PPHLN1: variants seen among roughly 807,000 people sequenced by gnomAD.
PPHLN1 encodes periphilin-1.
In PPHLN1, 29 loss-of-function variants were observed where a neutral mutation model predicts 51.3. That is an observed-to-expected ratio of 0.57 (90% confidence interval 0.42 to 0.77). The LOEUF (loss-of-function observed/expected upper bound fraction) is 0.77, where lower values mean the gene tolerates loss of function less well. Ranked by LOEUF, PPHLN1 falls within the 30% of genes least tolerant of loss-of-function variation. The pLI is 0.00. For missense variants in PPHLN1, 436 were observed against 438.4 expected (o/e 0.99, Z 0.05); for synonymous variants, 147 against 147.8 (o/e 0.99, Z 0.04).
chr12:42,353,427 T>C (rs4768400), intron 3 of PPHLN1, among the ~76,000 whole-genome samples: 146,833 of 152,278 alleles, frequency 0.96, 71,040 homozygotes, highest in Middle Eastern at 1. Context: ...GTGATTTACT[T>C]AGGATCGGTA....
intron 7 of PPHLN1, among the ~76,000 whole-genome samples, chr12:42,390,607 G>A (rs1376366924): frequency 6.6e-6 from 1 of 151,580 alleles, no homozygotes; most frequent in African/African-American, 2.4e-5. Context: ...TGTGGCCCAG[G>A]ATGGCTTTGA....
At position 42,345,048 on chromosome 12, in the gene PPHLN1, A is replaced by C. The variant is rs116857359; in HGVS notation, c.73-6837A>C. ...TTGATACAGATTTTTATATTGAATC[A>C]AATAACCATCAACTTGGTGCTTTTA... On this transcript the variant is annotated intron_variant, in intron 2 of 9. Coordinates refer to ENST00000358314, the MANE Select transcript of PPHLN1 (RefSeq NM_201439.2). Among the ~76,000 whole-genome samples, 1,095 of 152,244 alleles carry C rather than the reference A, an allele frequency of 7.2e-3. 43 individuals carry two copies. In the East Asian group the frequency reaches 0.091, roughly 13 times the overall value.
At chr12:42,418,747 T>C (rs1217505584) in intron 9 of PPHLN1, among the ~76,000 whole-genome samples, 1 of 152,230 alleles carries the variant, frequency 6.6e-6, no homozygotes, top group Non-Finnish European at 1.5e-5. Context: ...TTATTTCCTT[T>C]ATAATAACTT....
intron 7 of PPHLN1, among the ~76,000 whole-genome samples, chr12:42,388,356 T>G (rs750081193): frequency 2.0e-5 from 3 of 152,208 alleles, no homozygotes; most frequent in Non-Finnish European, 2.9e-5. Flanking sequence ...TCCACTGAGA[T>G]GTTTGGGCGG....
At chr12:42,328,530 T>C (rs903008337) in intron 1 of PPHLN1, among the ~76,000 whole-genome samples, 2 of 152,234 alleles carry the variant, frequency 1.3e-5, no homozygotes, top group Non-Finnish European at 1.5e-5. Flanking sequence ...AAATATTATA[T>C]GTAGGCAGAC....
At chr12:42,358,308 C>T (rs2074266748) in intron 4 of PPHLN1, among the ~76,000 whole-genome samples, 1 of 152,134 alleles carries the variant, frequency 6.6e-6, no homozygotes, top group African/African-American at 2.4e-5. Flanking sequence ...CTAATCCCCA[C>T]AGCCATGATA....
chr12:42,441,529 A>G lies in PPHLN1; in HGVS notation c.*20A>G, dbSNP rs1289595451. 7.4e-7 allele frequency: 1 copy of G among 1,351,726 alleles called. No homozygotes were observed. The highest frequency in any genetic ancestry group is 1.5e-5 in the African/African-American group (1 of 67,688). The allele number at this position is 1,351,726 out of a possible 1,614,324, so 83.7% of individuals were successfully genotyped here. On this transcript the variant is annotated 3_prime_UTR_variant, in exon 10 of 10. Transcript: ENST00000358314. The stretch of plus-strand genomic sequence containing the variant: ...TTTTAGATTTTTCTGCTCAGGCTAA[A>G]AAAAAAAAAAAACAGTTTCTAAAAA...
At chr12:42,370,925 C>T (rs1303971352) in intron 4 of PPHLN1, among the ~76,000 whole-genome samples, 1 of 152,016 alleles carries the variant, frequency 6.6e-6, no homozygotes. Flanking sequence ...CCTGACTTAG[C>T]CTCCCGAATA....
In PPHLN1 at chr12:42,441,809, C is replaced by T. The variant is rs1026008379; in HGVS notation, c.*300C>T. ...TGTTGAGATTACAGGCGTGAGCCAC[C>T]GCTCCCTGCCCAACACATATACCAT... On this transcript the variant is annotated 3_prime_UTR_variant, in exon 10 of 10. Coordinates refer to ENST00000358314, the MANE Select transcript of PPHLN1 (RefSeq NM_201439.2). 3.8e-5 allele frequency: 42 copies of T among 1,093,226 alleles called. No homozygotes were observed. Among genetic ancestry groups the T allele is most frequent in the Admixed American group, 2.4e-4 (5 of 20,834 alleles). The allele number at this position is 1,093,226 out of a possible 1,614,324, so 67.7% of individuals were successfully genotyped here.
intron 9 of PPHLN1, among the ~76,000 whole-genome samples, chr12:42,414,545 T>TAA (rs1318765732): frequency 7.4e-6 from 1 of 135,144 alleles, no homozygotes; most frequent in East Asian, 2.1e-4. Flanking sequence ...GCAGCTATTG[T>TAA]AAAAGGATTG....
chr12:42,389,518 C>A (rs1378262350), intron 7 of PPHLN1, among the ~76,000 whole-genome samples: 2 of 152,174 alleles, frequency 1.3e-5, no homozygotes, highest in Non-Finnish European at 2.9e-5. Context: ...TGAGATCACG[C>A]CACTGCACTC....
At chr12:42,392,989 G>A (rs910122858) in intron 7 of PPHLN1, among the ~76,000 whole-genome samples, 4 of 152,158 alleles carry the variant, frequency 2.6e-5, no homozygotes, top group Non-Finnish European at 5.9e-5. Flanking sequence ...ATTAAACTGC[G>A]ATTCAAAGCC....
chr12:42,427,024 A>G (rs545810015), intron 9 of PPHLN1, among the ~76,000 whole-genome samples: 5 of 152,254 alleles, frequency 3.3e-5, no homozygotes, highest in Admixed American at 3.3e-4. Context: ...CAGGTTTCTC[A>G]AACCAATGTA....
chr12:42,357,343 A>G (rs1365139574), intron 4 of PPHLN1, among the ~76,000 whole-genome samples: 1 of 152,230 alleles, frequency 6.6e-6, no homozygotes, highest in Non-Finnish European at 1.5e-5. Context: ...CTTGAAAAAG[A>G]TGTGAAGACT....
chr12:42,406,900 G>T (rs901223028), intron 9 of PPHLN1, among the ~76,000 whole-genome samples: 7 of 151,862 alleles, frequency 4.6e-5, no homozygotes, highest in African/African-American at 1.5e-4. Flanking sequence ...AATATAGCAG[G>T]GATCAAAATT....
chr12:42,412,930 T>C (rs185042995), intron 9 of PPHLN1, among the ~76,000 whole-genome samples: 3 of 152,314 alleles, frequency 2.0e-5, no homozygotes, highest in Admixed American at 6.5e-5. Flanking sequence ...CTTTTGAGAA[T>C]TGTCTATTCA....
At position 42,326,228 on chromosome 12, in the gene PPHLN1, C is replaced by T. The variant is rs73285641; in HGVS notation, c.-22C>T. 3,069 of 151,736 alleles carry T rather than the reference C, an allele frequency of 0.02. 97 individuals are homozygous for T. The highest frequency in any genetic ancestry group is 0.07 in the African/African-American group (2,916 of 41,434). 9.4% of individuals were successfully genotyped at this position (151,736 alleles called of 1,614,324 possible). A position where few individuals can be genotyped will look rare whatever the true frequency, so the allele number is the denominator to read the frequency against. On this transcript the variant is annotated splice_region_variant and 5_prime_UTR_variant, in exon 1 of 10. Transcript: ENST00000358314. ...ACGGGGTCTCCCGGAGGGCCAGAGT[C>T]GGTGAGCGCTTTTTACCTTTCCCAG...
At chr12:42,446,895 C>A, downstream of PPHLN1, 1 of 391,110 alleles carries the variant, frequency 2.6e-6, no homozygotes, top group Non-Finnish European at 4.6e-6. Flanking sequence ...AGTTTGTTTA[C>A]TTATGCCCTC....
At position 42,417,302 on chromosome 12, in the gene PPHLN1, G is replaced by A. The variant is rs73272083; in HGVS notation, c.909+18308G>A. On this transcript the variant is annotated intron_variant, in intron 9 of 9. Transcript: ENST00000358314. ...ATATAGGAACTAATCTTGAAAATTC[G>A]GAGAAACACTTTTCTGAGATAGGAG... Among the ~76,000 whole-genome samples the A allele has an allele frequency of 4.3e-3, 654 of 152,256 alleles. 5 individuals are homozygous for A. The highest frequency in any genetic ancestry group is 0.014 in the African/African-American group (600 of 41,540).
Sources: allele counts gnomAD v4.1 joint callset (sites outside exome capture counted in the v4.1 genomes callset), GRCh38; gene constraint gnomAD v4.1.1; transcripts MANE v1.5; gene names NCBI Gene and HGNC (gene_info 2026-07-23, HGNC 2026-07-21).